GSTO2: variants seen among roughly 807,000 people sequenced by gnomAD.
The protein encoded by GSTO2 is glutathione S-transferase omega-2.
In GSTO2, 23 loss-of-function variants were observed where a neutral mutation model predicts 28.4. That is an observed-to-expected ratio of 0.81 (90% confidence interval 0.58 to 1.15). The LOEUF is 1.15. GSTO2 is among the 50% of genes most tolerant of loss of function. The pLI, the probability that GSTO2 is intolerant of heterozygous loss-of-function variation, is 0.00. For missense variants in GSTO2, 298 were observed against 297.8 expected, an observed-to-expected ratio of 1.00 and a Z score of 0.00; for synonymous variants, 109 against 111.0, an observed-to-expected ratio of 0.98 and a Z score of 0.11.
intron 3 of GSTO2, among the ~76,000 whole-genome samples, chr10:104,276,498 G>T (rs945783976): frequency 2.0e-5 from 3 of 152,132 alleles, no homozygotes; most frequent in East Asian, 1.9e-4. Flanking sequence ...CAGTATCCTT[G>T]GTCTCTACCC....
At chr10:104,270,278 G>A (rs1272114094) in intron 1 of GSTO2, among the ~76,000 whole-genome samples, 1 of 152,192 alleles carries the variant, frequency 6.6e-6, no homozygotes, top group African/African-American at 2.4e-5. Flanking sequence ...CTCCCAAATC[G>A]CTGGGATTAC....
At chr10:104,275,416 G>GC in intron 3 of GSTO2, 82 bp downstream of exon 3, 1 of 1,295,742 alleles carries the variant, frequency 7.7e-7, no homozygotes, top group African/African-American at 1.5e-5. Flanking sequence ...GGGGCGCCCT[G>GC]CTCAGCTTTT....
At chr10:104,278,559 G>A (rs1224004993) in intron 4 of GSTO2, among the ~76,000 whole-genome samples, 1 of 152,176 alleles carries the variant, frequency 6.6e-6, no homozygotes, top group African/African-American at 2.4e-5. Context: ...TCGGCTCACT[G>A]CAACCTCTGC....
intron 1 of GSTO2, among the ~76,000 whole-genome samples, chr10:104,270,959 G>A (rs565861527): frequency 2.6e-5 from 4 of 152,306 alleles, no homozygotes; most frequent in Non-Finnish European, 4.4e-5. Context: ...AAGCAGATCC[G>A]ATCATATTTC....
At chr10:104,282,663 G>C (rs531091653) in intron 5 of GSTO2, among the ~76,000 whole-genome samples, 1 of 152,276 alleles carries the variant, frequency 6.6e-6, no homozygotes, top group Non-Finnish European at 1.5e-5. Context: ...CCCCACTAAC[G>C]AGGGTTGGAG....
At position 104,297,623 on chromosome 10, in the gene GSTO2, T is replaced by A; in HGVS notation, c.514T>A (p.Ser172Thr). 6.2e-7 allele frequency: 1 copy of A among 1,613,918 alleles called. No individual in the cohort carries two copies. The highest frequency in any genetic ancestry group is 8.5e-7 in the Non-Finnish European group (1 of 1,179,822). Residue 172 changes from serine (S) to threonine (T), a missense_variant, in exon 6 of 7, where the codon TCC (serine) becomes ACC (threonine). By Grantham distance (58) the Ser-to-Thr change is moderately conservative. Transcript: ENST00000338595. Reference protein sequence around the residue: ...NTTFFGGTCISMIDYLLWPWF... With the variant: ...NTTFFGGTCITMIDYLLWPWF... ...CACCTTCTTTGGTGGAACCTGTATA[T>A]CCATGATTGATTACCTCCTCTGGCC...
chr10:104,295,039 G>C (rs933704001), intron 5 of GSTO2: 1 of 150,560 alleles, frequency 6.6e-6, no homozygotes, highest in African/African-American at 2.4e-5. Context: ...GAGTCGCTTG[G>C]TGTAAATTTG....
intron 5 of GSTO2, among the ~76,000 whole-genome samples, chr10:104,287,174 T>C (rs1384284040): frequency 6.6e-6 from 1 of 152,168 alleles, no homozygotes; most frequent in African/African-American, 2.4e-5. Flanking sequence ...CAACTCAGTC[T>C]CCTGAGTAGC....
chr10:104,269,991 G>C (rs2011308689), intron 1 of GSTO2, among the ~76,000 whole-genome samples: 1 of 151,672 alleles, frequency 6.6e-6, no homozygotes, highest in South Asian at 2.1e-4. Flanking sequence ...TTATCCAACA[G>C]CTCTGACAGA....
rs530371346 is a variant in GSTO2 at position 104,299,363 on chromosome 10, ATCCG to A, written c.*82_*85del. The A allele has an allele frequency of 4.2e-5, 62 of 1,460,502 alleles. 1 individual carries two copies. In the African/African-American group the frequency reaches 7.5e-4, roughly 18 times the overall value. 90.5% of individuals were successfully genotyped at this position (1,460,502 alleles called of 1,614,324 possible). A position where few individuals can be genotyped will look rare whatever the true frequency, so the allele number is the denominator to read the frequency against. On this transcript the variant is annotated 3_prime_UTR_variant, in exon 7 of 7. Coordinates refer to ENST00000338595, the MANE Select transcript of GSTO2 (RefSeq NM_183239.2). ...ACGTCACGGCTTGTCTTGGGAACCA[ATCCG>A]TCTCTCTTTCTTTTCTTTGAAGTTC...
chr10:104,273,903 A>G lies in GSTO2; in HGVS notation c.-231-782A>G, dbSNP rs12251225. ...AGTCAGTATGAGTGAGACACAGAAA[A>G]TATTTTTCTTTCCTTCATGATCTGT... On this transcript the variant is annotated intron_variant, in intron 1 of 6. Coordinates refer to ENST00000338595, the MANE Select transcript of GSTO2 (RefSeq NM_183239.2). Among the ~76,000 whole-genome samples, 265 of 152,350 alleles carry G rather than the reference A, an allele frequency of 1.7e-3. 2 individuals are homozygous for G. Among genetic ancestry groups the G allele is most frequent in the African/African-American group, 5.9e-3 (246 of 41,584 alleles).
rs1439043476 is a variant in GSTO2, at chr10:104,303,561, T to C, written c.*4277T>C. The C allele has an allele frequency of 6.6e-6, 1 of 152,210 alleles. No individual in the cohort carries two copies. The highest frequency in any genetic ancestry group is 1.5e-5 in the Non-Finnish European group (1 of 68,040). The allele number at this position is 152,210 out of a possible 1,614,324, so 9.4% of individuals were successfully genotyped here. ...AAAGAAATTATGTTAAGTTGGAACT[T>C]ATATTTACAGGGGAAGCAGAGCGTA... On this transcript the variant is annotated 3_prime_UTR_variant, in exon 7 of 7. Transcript: ENST00000338595.
chr10:104,300,225 A>G lies in GSTO2; in HGVS notation c.*941A>G, dbSNP rs1226114793. ...TTCACTGGTGCTGTCAGGGCTCAGG[A>G]TGTCTCACAAAATGTTCTATAGCCG... On this transcript the variant is annotated 3_prime_UTR_variant, in exon 7 of 7. Coordinates refer to ENST00000338595, the MANE Select transcript of GSTO2 (RefSeq NM_183239.2). 1.3e-5 allele frequency: 2 copies of G among 152,160 alleles called. No homozygotes were observed. Among genetic ancestry groups the G allele is most frequent in the African/African-American group, 4.8e-5 (2 of 41,448 alleles). The allele number at this position is 152,160 out of a possible 1,614,324, so 9.4% of individuals were successfully genotyped here.
In GSTO2 at chr10:104,269,267, C is replaced by T. The variant is rs45568844; in HGVS notation, c.-234C>T. 3 of 152,292 alleles carry T rather than the reference C, an allele frequency of 2.0e-5. No homozygotes were observed. Among genetic ancestry groups the T allele is most frequent in the African/African-American group, 7.2e-5 (3 of 41,438 alleles). 9.4% of individuals were successfully genotyped at this position (152,292 alleles called of 1,614,324 possible). ...TCTCGCGGGACCTCTCTCACCGCCA[C>T]CGGTGGGTCCGTTCGGCCTGCGTTG... On this transcript the variant is annotated splice_region_variant and 5_prime_UTR_variant, in exon 1 of 7. Coordinates refer to ENST00000338595, the MANE Select transcript of GSTO2 (RefSeq NM_183239.2).
intron 5 of GSTO2, among the ~76,000 whole-genome samples, chr10:104,285,251 A>AT (rs1364041329): frequency 6.6e-6 from 1 of 152,036 alleles, no homozygotes; most frequent in Non-Finnish European, 1.5e-5. Flanking sequence ...CATAATCTTA[A>AT]TTTTTTAATT....
intron 1 of GSTO2, among the ~76,000 whole-genome samples, chr10:104,269,675 G>C (rs921435276): frequency 1.3e-5 from 2 of 152,166 alleles, no homozygotes; most frequent in Non-Finnish European, 2.9e-5. Flanking sequence ...TGAAAACTGT[G>C]AAAAGTCTTC....
rs1244126789 is a variant in GSTO2 at position 104,301,695 on chromosome 10, G to T, written c.*2411G>T. 6.6e-6 allele frequency: 1 copy of T among 152,178 alleles called. No homozygotes were observed. The highest frequency in any genetic ancestry group is 1.5e-5 in the Non-Finnish European group (1 of 68,020). The allele number at this position is 152,178 out of a possible 1,614,324, so 9.4% of individuals were successfully genotyped here. A position where few individuals can be genotyped will look rare whatever the true frequency, so the allele number is the denominator to read the frequency against. ...AGAATAGAAAATCTTCCATTATCTTGTGTCCTAGAGATAACCACTTTTAGT... is the reference window on the plus strand; with the variant it reads ...AGAATAGAAAATCTTCCATTATCTTTTGTCCTAGAGATAACCACTTTTAGT... On this transcript the variant is annotated 3_prime_UTR_variant, in exon 7 of 7. Transcript: ENST00000338595.
rs1298620014 is a variant in GSTO2 at position 104,299,448 on chromosome 10, C to G, written c.*164C>G. 2 of 784,982 alleles carry G rather than the reference C, an allele frequency of 2.5e-6. No homozygotes were observed. Among genetic ancestry groups the G allele is most frequent in the East Asian group, 2.8e-5 (1 of 35,968 alleles). The allele number at this position is 784,982 out of a possible 1,614,324, so 48.6% of individuals were successfully genotyped here. A position where few individuals can be genotyped will look rare whatever the true frequency, so the allele number is the denominator to read the frequency against. Reference sequence around the variant, plus strand: ...TCTGATAATCATTTGTCTGACTCCTCTAGCCTGTAGCTGCTGCTACTGCTG... The same window carrying G: ...TCTGATAATCATTTGTCTGACTCCTGTAGCCTGTAGCTGCTGCTACTGCTG... On this transcript the variant is annotated 3_prime_UTR_variant, in exon 7 of 7. Transcript: ENST00000338595.
At chr10:104,298,748 A>G (rs948712982) in intron 6 of GSTO2, among the ~76,000 whole-genome samples, 1 of 152,198 alleles carries the variant, frequency 6.6e-6, no homozygotes, top group South Asian at 2.1e-4. Flanking sequence ...AAAATCTGAG[A>G]ATGACCCAAG....
Sources: gnomAD v4.1 joint callset for allele counts (sites outside exome capture counted in the v4.1 genomes callset) on GRCh38, gnomAD v4.1.1 for gene constraint, MANE v1.5 for transcripts, NCBI Gene and HGNC (gene_info 2026-07-23, HGNC 2026-07-21) for gene names.